FOCAD: variants seen among roughly 807,000 people sequenced by gnomAD.
FOCAD encodes KIAA1797.
A neutral mutation model predicts 225.6 loss-of-function variants in FOCAD; 198 were observed. The ratio of observed to expected loss-of-function variants is 0.88; its 90% confidence interval spans 0.78 to 0.99. The LOEUF (loss-of-function observed/expected upper bound fraction) is 0.99. Ranked by LOEUF, FOCAD falls within the 50% of genes least tolerant of loss-of-function variation. FOCAD has a pLI of 0.00. For synonymous variants in FOCAD, 897 were observed against 755.0 expected, an observed-to-expected ratio of 1.19 and a Z score of -3.08; for missense variants, 2,713 against 2,123.6, an observed-to-expected ratio of 1.28 and a Z score of -5.46.
intron 1 of FOCAD, among the ~76,000 whole-genome samples, chr9:20,710,472 C>T (rs905276440): frequency 2.6e-5 from 4 of 151,810 alleles, no homozygotes; most frequent in African/African-American, 9.7e-5. Context: ...TGGCGGGCAC[C>T]TGTAATCCCA....
chr9:20,929,751 G>C (rs1289974601), intron 27 of FOCAD, among the ~76,000 whole-genome samples, 155 bp downstream of exon 27: 2 of 152,150 alleles, frequency 1.3e-5, no homozygotes, highest in African/African-American at 4.8e-5. Flanking sequence ...TCTTCTTTAG[G>C]AGTAAATTTA....
chr9:20,764,738 C>T, intron 6 of FOCAD, 131 bp from the exon 7 acceptor site: 1 of 727,404 alleles, frequency 1.4e-6, no homozygotes, highest in Non-Finnish European at 2.3e-6. Flanking sequence ...ATAGAAGAAT[C>T]ATAAAAAGAA....
chr9:20,766,465 G>A (rs115469038), intron 7 of FOCAD, among the ~76,000 whole-genome samples: 95 of 152,242 alleles, frequency 6.2e-4, no homozygotes, highest in African/African-American at 2.2e-3. Context: ...TTTAGTGATA[G>A]AGGAAGCGTA....
intron 33 of FOCAD, 54 bp downstream of exon 33, chr9:20,949,729 C>CT: frequency 1.4e-6 from 2 of 1,385,588 alleles, no homozygotes; most frequent in Non-Finnish European, 1.0e-6. Flanking sequence ...CCTTTGTTGT[C>CT]TTTTTTTCTA....
At chr9:20,916,804 C>T in intron 23 of FOCAD, 89 bp from the exon 24 acceptor site, 1 of 1,182,374 alleles carries the variant, frequency 8.5e-7, no homozygotes, top group South Asian at 1.4e-5. Flanking sequence ...GGAGCCATTG[C>T]TGGAGGTTCT....
In FOCAD at chr9:20,844,292, A is replaced by G. The variant is rs148844909; in HGVS notation, c.1921-18286A>G. On this transcript the variant is annotated intron_variant, in intron 15 of 43. Transcript: ENST00000338382. ...CCTACTGTGCATAAGGCACTTTTAGATGTTAGAGCTGTAATGAGATAAAGG... is the reference window on the plus strand; with the variant it reads ...CCTACTGTGCATAAGGCACTTTTAGGTGTTAGAGCTGTAATGAGATAAAGG... Among the ~76,000 whole-genome samples, 94 of 143,402 alleles carry G rather than the reference A, an allele frequency of 6.6e-4. 1 individual carries two copies. Among genetic ancestry groups the G allele is most frequent in the African/African-American group, 2.0e-3 (77 of 39,310 alleles). 94.1% of individuals were successfully genotyped at this position (143,402 alleles called of 152,430 possible). A position where few individuals can be genotyped will look rare whatever the true frequency, so the allele number is the denominator to read the frequency against.
intron 18 of FOCAD, among the ~76,000 whole-genome samples, chr9:20,867,315 T>C (rs1193797822): frequency 1.3e-5 from 2 of 152,000 alleles, no homozygotes; most frequent in African/African-American, 2.4e-5. Flanking sequence ...TCCTGGACTT[T>C]AATCCAAGCA....
chr9:20,677,024 C>T (rs1333722981), intron 2 of FOCAD, among the ~76,000 whole-genome samples: 2 of 152,172 alleles, frequency 1.3e-5, no homozygotes, highest in Admixed American at 6.5e-5. Context: ...CAGTATGGTA[C>T]TGGCATAAAA....
chr9:20,817,323 C>T (rs1029713090), intron 11 of FOCAD, among the ~76,000 whole-genome samples: 2 of 152,008 alleles, frequency 1.3e-5, no homozygotes, highest in African/African-American at 4.8e-5. Flanking sequence ...TTCATTACCC[C>T]CGAAGGAAAC....
chr9:20,724,745 C>A (rs553431969), intron 4 of FOCAD, among the ~76,000 whole-genome samples: 13 of 151,342 alleles, frequency 8.6e-5, no homozygotes, highest in South Asian at 2.1e-4. Context: ...AAAAAAAAAA[C>A]CCCAACAAAA....
intron 4 of FOCAD, among the ~76,000 whole-genome samples, chr9:20,732,176 T>C (rs1478465560): frequency 3.3e-5 from 5 of 152,206 alleles, no homozygotes; most frequent in Non-Finnish European, 2.9e-5. Context: ...GACGTAGTTA[T>C]TGCACTCATG....
chr9:20,743,721 T>C (rs988327341), intron 5 of FOCAD, among the ~76,000 whole-genome samples: 4 of 152,204 alleles, frequency 2.6e-5, no homozygotes, highest in African/African-American at 9.6e-5. Context: ...GGGTTTTGTG[T>C]GAGGCTCAGA....
At chr9:20,785,734 G>A (rs1050452525) in intron 10 of FOCAD, among the ~76,000 whole-genome samples, 4 of 152,040 alleles carry the variant, frequency 2.6e-5, no homozygotes, top group Non-Finnish European at 5.9e-5. Context: ...CAGTTTTTGT[G>A]TGGACAAATG....
In FOCAD at chr9:20,715,007, A is replaced by G. The variant is rs1825217284; in HGVS notation, c.-32-315A>G. Among the ~76,000 whole-genome samples, 4 of 152,242 alleles carry G rather than the reference A, an allele frequency of 2.6e-5. No homozygotes were observed. The South Asian group carries it at 8.3e-4, about 32-fold the overall frequency. ...TAAGTTTTGATCCACAAAAGAATTA[A>G]TTTCTATTTCAAATGTGTGGTTGAA... On this transcript the variant is annotated intron_variant, in intron 1 of 43. Coordinates refer to ENST00000338382, the MANE Select transcript of FOCAD (RefSeq NM_001375567.1).
chr9:20,725,956 T>A (rs1826163409), intron 4 of FOCAD, among the ~76,000 whole-genome samples: 1 of 152,118 alleles, frequency 6.6e-6, no homozygotes. Context: ...TAAAATGTTC[T>A]TTTCATCAGT....
At chr9:20,799,906 A>G (rs1055055919) in intron 11 of FOCAD, among the ~76,000 whole-genome samples, 1 of 152,044 alleles carries the variant, frequency 6.6e-6, no homozygotes, top group Non-Finnish European at 1.5e-5. Flanking sequence ...TTAGCTGGTT[A>G]TTTTGCTCGT....
chr9:20,865,163 C>T (rs376324643), intron 16 of FOCAD, among the ~76,000 whole-genome samples: 9 of 151,984 alleles, frequency 5.9e-5, no homozygotes, highest in African/African-American at 2.2e-4. Flanking sequence ...ATTTGATGAG[C>T]ACAGTTAATT....
intron 19 of FOCAD, 143 bp from the exon 20 acceptor site, chr9:20,881,728 A>C: frequency 1.4e-6 from 1 of 708,296 alleles, no homozygotes; most frequent in Non-Finnish European, 2.3e-6. Flanking sequence ...TAAGAAAGGG[A>C]TAGGTATCAA....
intron 34 of FOCAD, among the ~76,000 whole-genome samples, chr9:20,951,847 C>T (rs908272848): frequency 1.3e-5 from 2 of 152,188 alleles, no homozygotes; most frequent in African/African-American, 4.8e-5. Flanking sequence ...ATCTTGGACC[C>T]AGGCCAGAGA....
Sources: gnomAD v4.1 joint callset for allele counts (sites outside exome capture counted in the v4.1 genomes callset) on GRCh38, gnomAD v4.1.1 for gene constraint, MANE v1.5 for transcripts, NCBI Gene and HGNC (gene_info 2026-07-23, HGNC 2026-07-21) for gene names.